The following PCDH15 variants were observed in gnomAD, a reference collection of about 807,000 sequenced individuals.
PCDH15 encodes the protein protocadherin related 15, also known as protocadherin-15.
A neutral mutation model predicts 178.5 loss-of-function variants in PCDH15; 129 were observed. The observed-to-expected ratio is 0.72, with a 90% CI of 0.63 to 0.84. The LOEUF (loss-of-function observed/expected upper bound fraction) is 0.84, where lower values mean the gene tolerates loss of function less well. PCDH15 is among the 40% of genes least tolerant of loss of function. PCDH15 has a pLI of 0.00. For synonymous variants in PCDH15, 800 were observed against 732.0 expected, an observed-to-expected ratio of 1.09 and a Z score of -1.50; for missense variants, 2,230 against 2,099.9, an observed-to-expected ratio of 1.06 and a Z score of -1.21.
intron 2 of PCDH15, among the ~76,000 whole-genome samples, chr10:54,970,064 G>A (rs767114912): frequency 2.0e-5 from 3 of 152,126 alleles, no homozygotes; most frequent in Non-Finnish European, 2.9e-5. Context: ...GATTAGGCCA[G>A]GAGGGCTTTG....
chr10:55,181,662 A>G (rs1564869778), intron 1 of PCDH15, among the ~76,000 whole-genome samples: 1 of 152,018 alleles, frequency 6.6e-6, no homozygotes, highest in Non-Finnish European at 1.5e-5. Flanking sequence ...GGAGGACCCT[A>G]CACCAATTCA....
intron 16 of PCDH15, among the ~76,000 whole-genome samples, chr10:54,083,016 T>TA (rs2094458938): frequency 6.6e-6 from 1 of 152,048 alleles, no homozygotes; most frequent in African/African-American, 2.4e-5. Context: ...AATATGTCAT[T>TA]AGTCATCAGG....
chr10:54,017,209 G>A (rs796338470), intron 20 of PCDH15, among the ~76,000 whole-genome samples: 52 of 151,968 alleles, frequency 3.4e-4, no homozygotes, highest in African/African-American at 1.1e-3. Flanking sequence ...ATTTTTAATA[G>A]AGGTGGGGTT....
chr10:54,781,050 A>C (rs1451078102), intron 1 of PCDH15, among the ~76,000 whole-genome samples: 1 of 152,134 alleles, frequency 6.6e-6, no homozygotes, highest in African/African-American at 2.4e-5. Flanking sequence ...TATTACCTCT[A>C]CCTAAGCCAC....
chr10:54,142,317 A>G (rs1311437101), intron 14 of PCDH15, among the ~76,000 whole-genome samples: 1 of 152,184 alleles, frequency 6.6e-6, no homozygotes, highest in Non-Finnish European at 1.5e-5. Flanking sequence ...AGTCTGAAGA[A>G]AGCACTGACT....
At chr10:55,255,630 T>G (rs1489819675) in intron 1 of PCDH15, among the ~76,000 whole-genome samples, 11 of 152,158 alleles carry the variant, frequency 7.2e-5, no homozygotes, top group Admixed American at 7.2e-4. Flanking sequence ...TCCTGACTTT[T>G]TAATGATCGC....
At chr10:55,103,091 G>T (rs972587104) in intron 2 of PCDH15, among the ~76,000 whole-genome samples, 1 of 149,566 alleles carries the variant, frequency 6.7e-6, no homozygotes, top group African/African-American at 2.5e-5. Context: ...GAAATATATG[G>T]TAATTTCTCT....
intron 2 of PCDH15, among the ~76,000 whole-genome samples, chr10:55,326,815 AG>A (rs1366613335): frequency 6.6e-6 from 1 of 152,162 alleles, no homozygotes; most frequent in Non-Finnish European, 1.5e-5. Context: ...GATAATGAAA[AG>A]TAAATTCCAG....
chr10:55,494,006 A>C (rs1443392770), intron 2 of PCDH15, among the ~76,000 whole-genome samples: 1 of 151,800 alleles, frequency 6.6e-6, no homozygotes, highest in Non-Finnish European at 1.5e-5. Flanking sequence ...ATCCATTTTA[A>C]TTTTTAAGGC....
chr10:55,387,952 T>C lies in PCDH15; in HGVS notation c.-155-221301A>G, dbSNP rs1837701795. On this transcript the variant is annotated intron_variant, in intron 2 of 5. Transcript: ENST00000613346. ...TCTAATTGCAGCTAAATATGTCTTC[T>C]ACCTCACTTCACTTCTGGCTATTAT... is the stretch of plus-strand genomic sequence containing the variant. 2.0e-5 allele frequency among the ~76,000 whole-genome samples: 3 copies of C among 152,178 alleles called. No individual in the cohort carries two copies. In the South Asian group the frequency reaches 6.2e-4, roughly 31 times the overall value.
At chr10:54,636,957 A>G (rs934571957) in intron 2 of PCDH15, among the ~76,000 whole-genome samples, 1 of 151,900 alleles carries the variant, frequency 6.6e-6, no homozygotes, top group African/African-American at 2.4e-5. Flanking sequence ...ATAAGTAAAC[A>G]AGATGTCAGT....
chr10:54,152,848 A>C (rs183190922), intron 14 of PCDH15, among the ~76,000 whole-genome samples: 2 of 152,198 alleles, frequency 1.3e-5, no homozygotes, highest in East Asian at 3.9e-4. Flanking sequence ...ATTTCTTTGA[A>C]GAAAAGAGCC....
chr10:55,497,769 G>C (rs143872111), intron 2 of PCDH15, among the ~76,000 whole-genome samples: 1 of 151,752 alleles, frequency 6.6e-6, no homozygotes, highest in Non-Finnish European at 1.5e-5. Flanking sequence ...ATGTTGCCTC[G>C]TCTTTCACAC....
At chr10:54,088,572 T>G (rs2136036088) in intron 16 of PCDH15, among the ~76,000 whole-genome samples, 1 of 152,294 alleles carries the variant, frequency 6.6e-6, no homozygotes, top group Non-Finnish European at 1.5e-5. Context: ...TTATCAATTT[T>G]ATCGTTAATC....
At chr10:55,623,952 T>A (rs1293212779) in intron 2 of PCDH15, among the ~76,000 whole-genome samples, 3 of 152,056 alleles carry the variant, frequency 2.0e-5, no homozygotes, top group African/African-American at 7.2e-5. Context: ...ACTCTCTCTC[T>A]CACCCTATGG....
intron 2 of PCDH15, among the ~76,000 whole-genome samples, chr10:54,949,792 CA>C (rs1838289775): frequency 6.6e-6 from 1 of 151,948 alleles, no homozygotes; most frequent in Non-Finnish European, 1.5e-5. Context: ...ATCTCTAGGA[CA>C]GGGGCCAAAT....
chr10:54,265,835 T>G (rs2057640009), intron 8 of PCDH15, among the ~76,000 whole-genome samples: 1 of 152,026 alleles, frequency 6.6e-6, no homozygotes. Context: ...ACTGGGGACT[T>G]CTACACCCAA....
At chr10:55,365,905 C>A (rs1395451067) in intron 2 of PCDH15, among the ~76,000 whole-genome samples, 1 of 151,924 alleles carries the variant, frequency 6.6e-6, no homozygotes, top group Non-Finnish European at 1.5e-5. Context: ...CCCATTGTAT[C>A]CTATCAGTAG....
intron 2 of PCDH15, among the ~76,000 whole-genome samples, chr10:55,626,120 A>G (rs80055210): frequency 1.7e-3 from 259 of 152,242 alleles, no homozygotes; most frequent in African/African-American, 6.1e-3. Context: ...GGAAGCTACA[A>G]GTGTACAGAA....
Sources: gnomAD v4.1 joint callset for allele counts (sites outside exome capture counted in the v4.1 genomes callset) on GRCh38, gnomAD v4.1.1 for gene constraint, MANE v1.5 for transcripts, NCBI Gene and HGNC (gene_info 2026-07-23, HGNC 2026-07-21) for gene names.